The following CALN1 variants were observed in gnomAD, a reference collection of about 807,000 sequenced individuals.
The protein encoded by CALN1 is calneuron 1, also known as calcium-binding protein 8.
A neutral mutation model predicts 30.6 loss-of-function variants in CALN1; 17 were observed. The observed-to-expected ratio is 0.56, with a 90% CI of 0.38 to 0.83. The LOEUF (loss-of-function observed/expected upper bound fraction) is 0.83. Among genes scored for constraint, CALN1 ranks in the 40% least tolerant of loss-of-function variants. The pLI, the probability that CALN1 is intolerant of heterozygous loss-of-function variation, is 0.00. For synonymous variants in CALN1, 156 were observed against 131.4 expected, an observed-to-expected ratio of 1.19 and a Z score of -1.28; for missense variants, 291 against 354.9, an observed-to-expected ratio of 0.82 and a Z score of 1.45.
intron 5 of CALN1, among the ~76,000 whole-genome samples, chr7:71,907,233 G>A (rs1393365212): frequency 7.8e-6 from 1 of 128,990 alleles, no homozygotes; most frequent in East Asian, 3.2e-4. Context: ...ACAGAAATGA[G>A]GTTTAAACAC....
chr7:72,454,113 G>A, the CALN1 span, among the ~76,000 whole-genome samples: 78 of 152,212 alleles, frequency 5.1e-4, no homozygotes, highest in East Asian at 8.1e-3. Context: ...ATGTCCGTAC[G>A]TTTTACTAAT....
intron 6 of CALN1, among the ~76,000 whole-genome samples, chr7:71,799,728 A>G (rs28490893): frequency 1.2e-3 from 180 of 152,114 alleles, no homozygotes; most frequent in African/African-American, 4.2e-3. Flanking sequence ...CACCGGCCTC[A>G]ACCTCCCAAA....
At chr7:72,315,589 C>T (rs1296675009) in intron 2 of CALN1, among the ~76,000 whole-genome samples, 1 of 151,948 alleles carries the variant, frequency 6.6e-6, no homozygotes, top group Non-Finnish European at 1.5e-5. Flanking sequence ...CCTGTAGTCC[C>T]AGCTACTCGG....
intron 5 of CALN1, among the ~76,000 whole-genome samples, chr7:71,933,481 C>T (rs1179409825): frequency 6.6e-6 from 1 of 152,140 alleles, no homozygotes; most frequent in Non-Finnish European, 1.5e-5. Context: ...CTAAACTCCT[C>T]ATGTGTGTCC....
chr7:72,243,153 G>C (rs1357286493), intron 3 of CALN1, among the ~76,000 whole-genome samples: 2 of 152,154 alleles, frequency 1.3e-5, no homozygotes, highest in African/African-American at 4.8e-5. Context: ...ATGAGGTCAT[G>C]AGGGAGGAGC....
At chr7:72,276,049 G>T (rs370921391) in intron 3 of CALN1, among the ~76,000 whole-genome samples, 4 of 152,276 alleles carry the variant, frequency 2.6e-5, no homozygotes, top group African/African-American at 4.8e-5. Flanking sequence ...AAGGAGGAAG[G>T]GGGGAGAATA....
At chr7:71,838,952 AACTG>A (rs1448600539) in intron 5 of CALN1, among the ~76,000 whole-genome samples, 2 of 152,110 alleles carry the variant, frequency 1.3e-5, no homozygotes, top group Non-Finnish European at 2.9e-5. Flanking sequence ...GCAGCATGAG[AACTG>A]ACTAATACAA....
At chr7:72,142,163 G>T (rs1809992336) in intron 3 of CALN1, among the ~76,000 whole-genome samples, 1 of 152,210 alleles carries the variant, frequency 6.6e-6, no homozygotes, top group Non-Finnish European at 1.5e-5. Context: ...ATGAGCCGAA[G>T]CAGGGTGAGG....
intron 5 of CALN1, among the ~76,000 whole-genome samples, chr7:71,888,797 G>A (rs1793070948): frequency 6.6e-6 from 1 of 152,142 alleles, no homozygotes; most frequent in Admixed American, 6.5e-5. Flanking sequence ...ATTCCTAGAG[G>A]AGAAAGGGGA....
chr7:72,459,828 C>T, the CALN1 span, among the ~76,000 whole-genome samples: 4 of 152,292 alleles, frequency 2.6e-5, no homozygotes, highest in East Asian at 5.8e-4. Context: ...CACCAGCTTC[C>T]GATAGCACCA....
chr7:72,090,239 T>C (rs925306418), intron 4 of CALN1, among the ~76,000 whole-genome samples: 10 of 152,108 alleles, frequency 6.6e-5, no homozygotes, highest in African/African-American at 4.8e-5. Context: ...GAGGCAGAGA[T>C]TGCAGTGAGC....
At chr7:72,408,949 A>AT (rs1423994563) in intron 1 of CALN1, among the ~76,000 whole-genome samples, 1 of 151,926 alleles carries the variant, frequency 6.6e-6, no homozygotes, top group Non-Finnish European at 1.5e-5. Context: ...AAGTGCTGGG[A>AT]TTGCAGGTGT....
intron 3 of CALN1, among the ~76,000 whole-genome samples, chr7:72,135,987 G>C (rs184425645): frequency 6.6e-6 from 1 of 152,010 alleles, no homozygotes; most frequent in African/African-American, 2.4e-5. Context: ...ACAAAAATAA[G>C]CTGGGCGTGG....
chr7:72,484,794 T>C, the CALN1 span, among the ~76,000 whole-genome samples: 12 of 150,732 alleles, frequency 8.0e-5, no homozygotes, highest in African/African-American at 2.9e-4. Context: ...TGAGCAATTG[T>C]AGGGCTTGCC....
At chr7:72,338,505 GTGTGTGTGTGTGTGTGTGTGTGTC>G (rs1439062126) in intron 2 of CALN1, among the ~76,000 whole-genome samples, 2 of 147,770 alleles carry the variant, frequency 1.4e-5, no homozygotes, top group African/African-American at 5.0e-5. Context: ...GTGTGTGTGT[GTGTGTGTGTGTGTGTGTGTGTGTC>G]TCACCTGGGT....
chr7:72,474,895 C>T, the CALN1 span, among the ~76,000 whole-genome samples: 1 of 152,154 alleles, frequency 6.6e-6, no homozygotes. Context: ...GCTTCATTAT[C>T]CCCCTGAACC....
chr7:71,791,836 T>C lies in CALN1; in HGVS notation c.659-3934A>G, dbSNP rs113799504. Among the ~76,000 whole-genome samples, 515 of 152,202 alleles carry C rather than the reference T, an allele frequency of 3.4e-3. 6 individuals carry two copies. Among genetic ancestry groups the C allele is most frequent in the African/African-American group, 0.012 (487 of 41,542 alleles). On this transcript the variant is annotated intron_variant, in intron 6 of 6. Transcript: ENST00000395275. ...CATCCTGGCTAACACGGTGAAACCCTGTCTCTACTAAAACATAGAAAAAAA... is the reference window on the plus strand; with the variant it reads ...CATCCTGGCTAACACGGTGAAACCCCGTCTCTACTAAAACATAGAAAAAAA...
At chr7:71,798,073 G>C (rs961293227) in intron 6 of CALN1, among the ~76,000 whole-genome samples, 2 of 123,914 alleles carry the variant, frequency 1.6e-5, no homozygotes, top group Middle Eastern at 3.4e-3. Context: ...GAGAGAGAGA[G>C]AGAGACAGAG....
At chr7:72,079,616 C>T (rs1271333158) in intron 4 of CALN1, among the ~76,000 whole-genome samples, 5 of 152,066 alleles carry the variant, frequency 3.3e-5, no homozygotes, top group African/African-American at 4.8e-5. Flanking sequence ...CTGTACAGGT[C>T]ATTCCTACAT....
Sources: allele counts gnomAD v4.1 joint callset (sites outside exome capture counted in the v4.1 genomes callset), GRCh38; gene constraint gnomAD v4.1.1; transcripts MANE v1.5; gene names NCBI Gene and HGNC (gene_info 2026-07-23, HGNC 2026-07-21).